Variants in PLA2R1 observed in about 807,000 individuals in gnomAD.
PLA2R1 encodes phospholipase A2 receptor 1, also known as secretory phospholipase A2 receptor.
Under a neutral mutation model 195.9 loss-of-function variants are expected in PLA2R1, and 158 were observed. The observed-to-expected ratio is 0.81, with a 90% CI of 0.71 to 0.92. The LOEUF (loss-of-function observed/expected upper bound fraction) is 0.92. Ranked by LOEUF, PLA2R1 falls within the 40% of genes least tolerant of loss-of-function variation. The pLI, the probability that PLA2R1 is intolerant of heterozygous loss-of-function variation, is 0.00. For missense variants in PLA2R1, 1,626 were observed against 1,764.6 expected (o/e 0.92, Z 1.41); for synonymous variants, 586 against 598.2 (o/e 0.98, Z 0.30).
chr2:159,969,142 T>G (rs1304167604), intron 19 of PLA2R1, 114 bp downstream of exon 19: 2 of 613,326 alleles, frequency 3.3e-6, no homozygotes, highest in Non-Finnish European at 2.9e-6. Flanking sequence ...ACACGTCAAC[T>G]GAAAAGAGAA....
At chr2:160,004,964 C>T (rs1223252313) in intron 11 of PLA2R1, among the ~76,000 whole-genome samples, 4 of 152,132 alleles carry the variant, frequency 2.6e-5, no homozygotes, top group African/African-American at 7.2e-5. Flanking sequence ...ATGTGCCCAT[C>T]CACCGTACTT....
intron 9 of PLA2R1, among the ~76,000 whole-genome samples, chr2:160,013,959 A>G (rs1039930): frequency 0.75 from 114,526 of 151,974 alleles, 43,536 homozygotes; most frequent in East Asian, 0.88. Flanking sequence ...GAAGGACAAT[A>G]CAGATAGAGA....
chr2:160,034,052 C>T (rs927113990), intron 3 of PLA2R1, among the ~76,000 whole-genome samples: 1 of 152,152 alleles, frequency 6.6e-6, no homozygotes, highest in African/African-American at 2.4e-5. Context: ...GCATACATAG[C>T]GTTCTCTGGG....
chr2:160,032,860 T>C (rs1228458761), intron 4 of PLA2R1, 99 bp downstream of exon 4: 1 of 994,324 alleles, frequency 1.0e-6, no homozygotes, highest in African/African-American at 1.7e-5. Flanking sequence ...AAAATATTTT[T>C]TAAGAACTTT....
At chr2:159,931,843 A>G (rs1482131465), downstream of PLA2R1, among the ~76,000 whole-genome samples, 1 of 152,250 alleles carries the variant, frequency 6.6e-6, no homozygotes, top group Admixed American at 6.5e-5. Context: ...TCCCTACACC[A>G]AAAGATTAGT....
chr2:159,925,092 A>G, the PLA2R1 span, among the ~76,000 whole-genome samples: 1 of 152,122 alleles, frequency 6.6e-6, no homozygotes, highest in Non-Finnish European at 1.5e-5. Flanking sequence ...CCCGATACAC[A>G]TGTATTTCTC....
intron 1 of PLA2R1, among the ~76,000 whole-genome samples, chr2:160,053,225 T>C (rs1193906615): frequency 6.6e-6 from 1 of 152,032 alleles, no homozygotes. Flanking sequence ...GTGTCCAAGT[T>C]TCCCCTTCTT....
At chr2:160,008,211 C>A (rs548959284) in intron 10 of PLA2R1, among the ~76,000 whole-genome samples, 3 of 152,158 alleles carry the variant, frequency 2.0e-5, no homozygotes, top group East Asian at 3.9e-4. Context: ...GAGGTCGAGG[C>A]GGGAGGATGG....
chr2:159,963,487 A>C (rs1019662795), intron 20 of PLA2R1, among the ~76,000 whole-genome samples: 1 of 152,214 alleles, frequency 6.6e-6, no homozygotes, highest in Non-Finnish European at 1.5e-5. Context: ...TATAAATCAC[A>C]TATTGGATGG....
intron 1 of PLA2R1, among the ~76,000 whole-genome samples, chr2:160,056,604 T>A (rs1247814724): frequency 6.6e-6 from 1 of 152,180 alleles, no homozygotes; most frequent in African/African-American, 2.4e-5. Context: ...AAATATATAT[T>A]TTCCTCTTTT....
intron 9 of PLA2R1, among the ~76,000 whole-genome samples, chr2:160,014,426 C>A (rs1350342550): frequency 6.6e-6 from 1 of 151,996 alleles, no homozygotes; most frequent in Non-Finnish European, 1.5e-5. Flanking sequence ...CCTGAATGTG[C>A]CCGATCTCAT....
rs774690617 is a variant in PLA2R1, at chr2:159,941,876, CA to C, written c.4293del (p.Ala1432GlnfsTer18). On this transcript the variant is annotated frameshift_variant, in exon 30 of 30. Transcript: ENST00000283243. LOFTEE classifies it high-confidence loss of function. ...YKHNGGFFRRLAGFRNPYYPA... is the reference protein window; with the variant it reads ...YKHNGGFFRRXAGFRNPYYPA... ...GGATAGTAAGGATTCCGAAACCCTG[CA>C]AGTCTCCTGAAGAAGCCACCGTTAT... The C allele has an allele frequency of 1.6e-4, 259 of 1,613,388 alleles. No homozygotes were observed. The highest frequency in any genetic ancestry group is 1.8e-4 in the Non-Finnish European group (211 of 1,179,426).
downstream of PLA2R1, among the ~76,000 whole-genome samples, chr2:159,930,204 C>A (rs929099159): frequency 6.6e-6 from 1 of 151,980 alleles, no homozygotes; most frequent in Non-Finnish European, 1.5e-5. Flanking sequence ...GTCAGGAGAT[C>A]GAGGCCATCC....
chr2:159,968,246 T>A (rs1019223264), intron 19 of PLA2R1, among the ~76,000 whole-genome samples: 2 of 151,656 alleles, frequency 1.3e-5, no homozygotes, highest in African/African-American at 4.9e-5. Context: ...TTTTTTTTTT[T>A]AATTTAGAAG....
intron 24 of PLA2R1, among the ~76,000 whole-genome samples, chr2:159,950,998 C>T (rs1393344690): frequency 2.0e-5 from 3 of 152,104 alleles, no homozygotes; most frequent in African/African-American, 7.2e-5. Context: ...CATTAAATGC[C>T]GCAAATTCCC....
chr2:160,058,293 CCT>C (rs1356256142), intron 1 of PLA2R1, among the ~76,000 whole-genome samples: 1 of 152,246 alleles, frequency 6.6e-6, no homozygotes, highest in African/African-American at 2.4e-5. Context: ...TACACCCAAC[CCT>C]GTTTCACTTT....
At chr2:159,962,117 A>C (rs1031151370) in intron 20 of PLA2R1, among the ~76,000 whole-genome samples, 1 of 152,170 alleles carries the variant, frequency 6.6e-6, no homozygotes, top group Non-Finnish European at 1.5e-5. Flanking sequence ...ATGGGAGAAA[A>C]TTTTTGCAAT....
chr2:159,991,397 G>A (rs949193756), intron 11 of PLA2R1, among the ~76,000 whole-genome samples: 2 of 149,988 alleles, frequency 1.3e-5, no homozygotes, highest in East Asian at 3.9e-4. Context: ...CCTCTCTAGT[G>A]TCTACTGATG....
chr2:159,931,032 T>C (rs1014358542), downstream of PLA2R1, among the ~76,000 whole-genome samples: 1 of 152,214 alleles, frequency 6.6e-6, no homozygotes, highest in African/African-American at 2.4e-5. Context: ...TTTCTGTACA[T>C]GGAATAAGTC....
Sources: allele counts gnomAD v4.1 joint callset (sites outside exome capture counted in the v4.1 genomes callset), GRCh38; gene constraint gnomAD v4.1.1; transcripts MANE v1.5; gene names NCBI Gene and HGNC (gene_info 2026-07-23, HGNC 2026-07-21).